The following ARHGAP8 variants were observed in gnomAD, a reference collection of about 807,000 sequenced individuals.
The protein encoded by ARHGAP8 is Rho GTPase activating protein 8, also known as rho GTPase-activating protein 8.
A neutral mutation model predicts 46.1 loss-of-function variants in ARHGAP8; 62 were observed. The ratio of observed to expected loss-of-function variants is 1.34; its 90% CI spans 1.10 to 1.66. The LOEUF is 1.66. Among genes scored for constraint, ARHGAP8 ranks in the 40% most tolerant of loss-of-function variants. ARHGAP8 has a pLI of 0.00. For synonymous variants in ARHGAP8, 375 were observed against 243.1 expected (o/e 1.54, Z -5.05); for missense variants, 923 against 568.4 (o/e 1.62, Z -6.34).
At position 44,853,920 on chromosome 22, in the gene ARHGAP8, G is replaced by A. The variant is rs181058703; in HGVS notation, c.877+4860G>A. On this transcript the variant is annotated intron_variant, in intron 10 of 11. Coordinates refer to ENST00000356099, the MANE Select transcript of ARHGAP8 (RefSeq NM_181335.3). ...CATGCACCTGTAATCCCAGCTACTCGGGAGGCTGAGGCAGGAGGATCGCTT... is the reference window on the plus strand; with the variant it reads ...CATGCACCTGTAATCCCAGCTACTCAGGAGGCTGAGGCAGGAGGATCGCTT... Among the ~76,000 whole-genome samples, 478 of 150,754 alleles carry A rather than the reference G, an allele frequency of 3.2e-3. 3 individuals are homozygous for A. The highest frequency in any genetic ancestry group is 0.011 in the African/African-American group (453 of 41,032).
At chr22:44,824,598 G>A (rs1930378006) in intron 6 of ARHGAP8, among the ~76,000 whole-genome samples, 1 of 151,752 alleles carries the variant, frequency 6.6e-6, no homozygotes, top group Non-Finnish European at 1.5e-5. Flanking sequence ...TGTTACCTGA[G>A]CACAGAGGGT....
chr22:44,777,594 C>T (rs1926515802), intron 1 of ARHGAP8, among the ~76,000 whole-genome samples: 1 of 150,638 alleles, frequency 6.6e-6, no homozygotes, highest in African/African-American at 2.5e-5. Flanking sequence ...TGTCAGACAC[C>T]CAGTGGCTTT....
intron 11 of ARHGAP8, among the ~76,000 whole-genome samples, chr22:44,860,257 T>C (rs1472044113): frequency 2.0e-5 from 3 of 152,106 alleles, no homozygotes; most frequent in Non-Finnish European, 4.4e-5. Context: ...TTCCTGTGAC[T>C]GCATCGTGGG....
At chr22:44,849,594 C>G (rs1029915094) in intron 10 of ARHGAP8, 1 of 154,018 alleles carries the variant, frequency 6.5e-6, no homozygotes, top group African/African-American at 2.4e-5. Context: ...TCTCAAAACA[C>G]TGGTGAATGC....
chr22:44,813,150 T>C (rs1382574781), intron 4 of ARHGAP8, among the ~76,000 whole-genome samples: 4 of 152,054 alleles, frequency 2.6e-5, no homozygotes, highest in African/African-American at 9.7e-5. Flanking sequence ...GAGACCAAGA[T>C]CTGGACAAGC....
intron 7 of ARHGAP8, among the ~76,000 whole-genome samples, chr22:44,837,569 G>C (rs777657658): frequency 1.3e-5 from 2 of 152,120 alleles, no homozygotes; most frequent in Non-Finnish European, 2.9e-5. Flanking sequence ...ATTCACCGGC[G>C]CCCTGGGCAT....
intron 7 of ARHGAP8, among the ~76,000 whole-genome samples, chr22:44,843,746 G>A (rs1931797543): frequency 6.7e-6 from 1 of 149,312 alleles, no homozygotes; most frequent in South Asian, 2.1e-4. Flanking sequence ...TATTGCTTGA[G>A]CCCAGGAGGT....
chr22:44,856,889 C>A lies in ARHGAP8; in HGVS notation c.878-2842C>A, dbSNP rs118108843. The stretch of plus-strand genomic sequence containing the variant: ...AAGAAAACAAAGAGACTTTGACCAC[C>A]CTCACACAGTCGCGCTGCAGACAGA... On this transcript the variant is annotated intron_variant, in intron 10 of 11. Coordinates refer to ENST00000356099, the MANE Select transcript of ARHGAP8 (RefSeq NM_181335.3). 2.4e-3 allele frequency among the ~76,000 whole-genome samples: 344 copies of A among 144,032 alleles called. 30 individuals carry two copies. The highest frequency in any genetic ancestry group is 0.019 in the East Asian group (97 of 5,028). The allele number at this position is 144,032 out of a possible 152,430, so 94.5% of individuals were successfully genotyped here.
chr22:44,786,277 C>G (rs9614930), intron 1 of ARHGAP8, among the ~76,000 whole-genome samples, 180 bp from the exon 2 acceptor site: 26,819 of 142,952 alleles, frequency 0.19, 2,815 homozygotes, highest in African/African-American at 0.32. Flanking sequence ...TCGGCTGAGG[C>G]AGGGCGCCTA....
At chr22:44,769,586 G>A (rs531630607) in intron 1 of ARHGAP8, among the ~76,000 whole-genome samples, 150 of 152,240 alleles carry the variant, frequency 9.9e-4, no homozygotes, top group Middle Eastern at 3.4e-3. Context: ...TTTAATCCAG[G>A]AGTGTGATAT....
intron 7 of ARHGAP8, among the ~76,000 whole-genome samples, chr22:44,832,710 C>T (rs775911049): frequency 6.6e-6 from 1 of 152,040 alleles, no homozygotes; most frequent in Admixed American, 6.6e-5. Context: ...ATAGAGATGG[C>T]TTTACTTCTT....
intron 7 of ARHGAP8, among the ~76,000 whole-genome samples, chr22:44,843,407 G>A (rs868541915): frequency 2.0e-5 from 3 of 152,194 alleles, no homozygotes; most frequent in Non-Finnish European, 2.9e-5. Context: ...TGGCAAATAT[G>A]TGTAAATAGA....
At chr22:44,849,407 C>G (rs2070040824) in intron 10 of ARHGAP8, 4 of 304,892 alleles carry the variant, frequency 1.3e-5, no homozygotes, top group South Asian at 7.5e-5. Flanking sequence ...GCCCCAGACC[C>G]TCAGCTCTCT....
intron 2 of ARHGAP8, chr22:44,801,679 G>T: frequency 4.3e-6 from 1 of 232,228 alleles, no homozygotes; most frequent in South Asian, 7.2e-5. Context: ...GGCCACCCTG[G>T]CCTCCACCAT....
intron 10 of ARHGAP8, among the ~76,000 whole-genome samples, chr22:44,854,975 A>G (rs2147181639): frequency 6.6e-6 from 1 of 152,272 alleles, no homozygotes; most frequent in South Asian, 2.1e-4. Flanking sequence ...AACTAACAAT[A>G]TCAGACTAAT....
rs142685281 is a variant in ARHGAP8 at position 44,859,719 on chromosome 22, A to G, written c.878-12A>G. On this transcript the variant is annotated splice_polypyrimidine_tract_variant and intron_variant, in intron 10 of 11. Transcript: ENST00000356099. ...CCTCTGGAGCTCAGCAGGGAGCCCC[A>G]TGCCCTTCCAGGTGTGGAGAGCAGC... 1.9e-6 allele frequency: 3 copies of G among 1,612,752 alleles called. No homozygotes were observed. Among genetic ancestry groups the G allele is most frequent in the Non-Finnish European group, 2.5e-6 (3 of 1,179,946 alleles).
intron 1 of ARHGAP8, among the ~76,000 whole-genome samples, chr22:44,771,391 C>T (rs1455869820): frequency 2.6e-5 from 4 of 151,542 alleles, no homozygotes; most frequent in East Asian, 1.9e-4. Flanking sequence ...GGACTACAGG[C>T]GCCCGCCACC....
intron 10 of ARHGAP8, 185 bp downstream of exon 10, chr22:44,849,245 C>T (rs2070036940): frequency 8.8e-7 from 1 of 1,131,904 alleles, no homozygotes; most frequent in African/African-American, 1.6e-5. Flanking sequence ...CACAGCCAGT[C>T]CACACTGTCC....
intron 2 of ARHGAP8, among the ~76,000 whole-genome samples, chr22:44,795,247 A>C (rs1428061216): frequency 2.6e-5 from 4 of 152,048 alleles, no homozygotes; most frequent in African/African-American, 9.7e-5. Context: ...TGCAAGCAGG[A>C]TGCTTGTGAG....
Sources: allele counts gnomAD v4.1 joint callset (sites outside exome capture counted in the v4.1 genomes callset), GRCh38; gene constraint gnomAD v4.1.1; transcripts MANE v1.5; gene names NCBI Gene and HGNC (gene_info 2026-07-23, HGNC 2026-07-21).